Variants in GRID2 observed in about 807,000 individuals in gnomAD.
GRID2 encodes the protein glutamate receptor ionotropic, delta-2.
Under a neutral mutation model 114.8 loss-of-function variants are expected in GRID2, and 33 were observed. The ratio of observed to expected loss-of-function variants is 0.29; its 90% CI spans 0.22 to 0.38. The LOEUF (loss-of-function observed/expected upper bound fraction) is 0.38. Ranked by LOEUF, GRID2 falls within the 10% of genes least tolerant of loss-of-function variation. The probability of loss-of-function intolerance (pLI) is 1.00; values close to 1 mark genes in which losing one functional copy is unlikely to be tolerated. For missense variants in GRID2, 1,184 were observed against 1,257.7 expected, an observed-to-expected ratio of 0.94 and a Z score of 0.89; for synonymous variants, 505 against 449.9, an observed-to-expected ratio of 1.12 and a Z score of -1.55.
At chr4:92,558,534 A>G (rs1351590123) in intron 1 of GRID2, among the ~76,000 whole-genome samples, 2 of 152,138 alleles carry the variant, frequency 1.3e-5, no homozygotes, top group Non-Finnish European at 2.9e-5. Flanking sequence ...CCATTCTTTA[A>G]AAATATAATC....
chr4:92,799,200 C>G (rs1740035422), intron 2 of GRID2, among the ~76,000 whole-genome samples: 1 of 151,942 alleles, frequency 6.6e-6, no homozygotes, highest in African/African-American at 2.4e-5. Context: ...GACAGATCAC[C>G]CGGCATTAGA....
chr4:92,386,467 C>T (rs1048684621), intron 1 of GRID2, among the ~76,000 whole-genome samples: 1 of 151,460 alleles, frequency 6.6e-6, no homozygotes, highest in Non-Finnish European at 1.5e-5. Context: ...ACAGTAATGA[C>T]AAAGACATAT....
intron 4 of GRID2, chr4:93,112,115 A>G (rs910839989): frequency 6.6e-6 from 1 of 152,174 alleles, no homozygotes; most frequent in African/African-American, 2.4e-5. Context: ...AGAAACACAA[A>G]TCTGGAAGAT....
At chr4:92,595,511 T>C (rs1273043101) in intron 2 of GRID2, among the ~76,000 whole-genome samples, 1 of 152,028 alleles carries the variant, frequency 6.6e-6, no homozygotes, top group African/African-American at 2.4e-5. Context: ...TTACGACTAC[T>C]TCTTTGCATA....
chr4:92,745,974 C>G (rs750049700), intron 2 of GRID2, among the ~76,000 whole-genome samples: 1 of 152,076 alleles, frequency 6.6e-6, no homozygotes, highest in Admixed American at 6.6e-5. Context: ...GACTGCTGAA[C>G]AAAGCTTCCC....
At chr4:92,922,844 G>T (rs1055905199) in intron 2 of GRID2, among the ~76,000 whole-genome samples, 1 of 152,188 alleles carries the variant, frequency 6.6e-6, no homozygotes, top group Non-Finnish European at 1.5e-5. Context: ...AGAAATGGCA[G>T]AACTAATCTA....
intron 8 of GRID2, among the ~76,000 whole-genome samples, chr4:93,384,187 A>G (rs1764110597): frequency 6.6e-6 from 1 of 152,162 alleles, no homozygotes; most frequent in African/African-American, 2.4e-5. Context: ...AGCTAATCCT[A>G]TTCATGAGGG....
chr4:93,507,891 C>T (rs1728777595), intron 12 of GRID2, among the ~76,000 whole-genome samples: 1 of 152,052 alleles, frequency 6.6e-6, no homozygotes, highest in Admixed American at 6.6e-5. Flanking sequence ...ACTGGAGGTT[C>T]AATGAAGCTT....
chr4:93,512,338 T>C (rs1729274401), intron 12 of GRID2, among the ~76,000 whole-genome samples: 1 of 152,226 alleles, frequency 6.6e-6, no homozygotes. Flanking sequence ...TAATATAGGC[T>C]ACAGCATTTC....
intron 1 of GRID2, among the ~76,000 whole-genome samples, chr4:92,499,848 C>G (rs969427263): frequency 2.0e-5 from 3 of 152,218 alleles, no homozygotes; most frequent in African/African-American, 7.2e-5. Flanking sequence ...CTCCTGATCT[C>G]AGGTGATTCA....
intron 4 of GRID2, among the ~76,000 whole-genome samples, chr4:93,124,778 C>G (rs1327734489): frequency 1.3e-5 from 2 of 152,084 alleles, no homozygotes; most frequent in Non-Finnish European, 2.9e-5. Context: ...AGGGAAAAAA[C>G]TGTCTTGACA....
chr4:92,310,296 G>A (rs1418533070), intron 1 of GRID2, among the ~76,000 whole-genome samples: 2 of 151,768 alleles, frequency 1.3e-5, no homozygotes, highest in African/African-American at 2.4e-5. Flanking sequence ...TGAAATTTAG[G>A]GCAACTTTTA....
chr4:93,494,557 T>C (rs1366087589), intron 12 of GRID2, among the ~76,000 whole-genome samples: 3 of 151,970 alleles, frequency 2.0e-5, no homozygotes, highest in Admixed American at 6.6e-5. Flanking sequence ...TAATAAAAGT[T>C]TTGAAAGGGA....
At chr4:92,562,491 A>G (rs1461375351) in intron 1 of GRID2, among the ~76,000 whole-genome samples, 1 of 152,234 alleles carries the variant, frequency 6.6e-6, no homozygotes, top group African/African-American at 2.4e-5. Flanking sequence ...TTATGCAAAC[A>G]TTGAATTTTA....
At chr4:92,582,256 G>T (rs914783946) in intron 1 of GRID2, among the ~76,000 whole-genome samples, 2 of 151,594 alleles carry the variant, frequency 1.3e-5, no homozygotes, top group African/African-American at 4.8e-5. Context: ...CGTCACTAAA[G>T]TAAGCAACAA....
Position 93,725,378 on chromosome 4 carries a change from C to T in GRID2, c.2361-43832C>T, listed in dbSNP as rs532929414. 5.3e-5 allele frequency among the ~76,000 whole-genome samples: 8 copies of T among 152,186 alleles called. No homozygotes were observed. In the South Asian group the frequency reaches 1.7e-3, roughly 32 times the overall value. The stretch of plus-strand genomic sequence containing the variant: ...TGTGCCACATTTTCTTAATCCAGTC[C>T]ATCCTTGTTGGACATTTGGGTTGGT... On this transcript the variant is annotated intron_variant, in intron 14 of 15. Coordinates refer to ENST00000282020, the MANE Select transcript of GRID2 (RefSeq NM_001510.4).
intron 1 of GRID2, among the ~76,000 whole-genome samples, chr4:92,319,941 G>A (rs756252004): frequency 8.5e-5 from 13 of 152,158 alleles, no homozygotes; most frequent in Non-Finnish European, 1.6e-4. Flanking sequence ...CAAATATGCT[G>A]TAAATATAAG....
intron 1 of GRID2, among the ~76,000 whole-genome samples, chr4:92,406,940 A>G (rs1199415295): frequency 1.3e-5 from 2 of 151,892 alleles, no homozygotes; most frequent in Non-Finnish European, 2.9e-5. Context: ...TAAAGATACT[A>G]TCTGAAACTG....
chr4:92,870,761 G>T (rs1057042822), intron 2 of GRID2, among the ~76,000 whole-genome samples: 1 of 152,040 alleles, frequency 6.6e-6, no homozygotes, highest in African/African-American at 2.4e-5. Context: ...CTACCAAGGG[G>T]CAGGGGAAAA....
Sources: allele counts gnomAD v4.1 joint callset (sites outside exome capture counted in the v4.1 genomes callset), GRCh38; gene constraint gnomAD v4.1.1; transcripts MANE v1.5; gene names NCBI Gene and HGNC (gene_info 2026-07-23, HGNC 2026-07-21).